The following LRRC7 variants were observed in gnomAD, a reference collection of about 807,000 sequenced individuals.
LRRC7 encodes leucine-rich repeat-containing protein 7.
In LRRC7, 23 loss-of-function variants were observed where a neutral mutation model predicts 175.7. That is an observed-to-expected ratio of 0.13 (90% CI 0.09 to 0.19). LRRC7 has a LOEUF of 0.19. Ranked by LOEUF, LRRC7 falls within the 10% of genes least tolerant of loss-of-function variation. LRRC7 has a pLI of 1.00. For missense variants in LRRC7, 1,354 were observed against 1,904.7 expected, an observed-to-expected ratio of 0.71 and a Z score of 5.38; for synonymous variants, 685 against 680.9, an observed-to-expected ratio of 1.01 and a Z score of -0.09.
chr1:69,697,554 T>G (rs1329059502), intron 2 of LRRC7, among the ~76,000 whole-genome samples: 1 of 152,250 alleles, frequency 6.6e-6, no homozygotes, highest in Non-Finnish European at 1.5e-5. Context: ...AAGATCAAAC[T>G]GCAGTAGCTC....
intron 3 of LRRC7, among the ~76,000 whole-genome samples, chr1:69,771,295 T>G (rs1248609475): frequency 6.6e-6 from 1 of 152,188 alleles, no homozygotes; most frequent in Non-Finnish European, 1.5e-5. Flanking sequence ...ATAGTTTGCA[T>G]GTGGAAAATA....
At chr1:69,595,865 T>C (rs912043173) in intron 1 of LRRC7, among the ~76,000 whole-genome samples, 5 of 152,070 alleles carry the variant, frequency 3.3e-5, no homozygotes, top group African/African-American at 1.2e-4. Flanking sequence ...CAGTCACTTT[T>C]CCTTAACTTC....
chr1:69,789,819 A>G (rs1674903428), intron 3 of LRRC7, among the ~76,000 whole-genome samples: 1 of 152,122 alleles, frequency 6.6e-6, no homozygotes, highest in Admixed American at 6.5e-5. Flanking sequence ...TCCGTCATCT[A>G]GAAAAGTAAA....
rs202036894 is a variant in LRRC7, at chr1:69,771,406, G to GA, written c.303+11016dup. Among the ~76,000 whole-genome samples the GA allele has an allele frequency of 1.2e-4, 18 of 152,204 alleles. 1 individual carries two copies. In the East Asian group the frequency reaches 3.5e-3, roughly 29 times the overall value. Reference sequence around the variant, plus strand: ...AACTCTTAATTATGTGAGTCAATGAGAAACTGACATCTGTAGTATCCCAGT... The same window carrying GA: ...AACTCTTAATTATGTGAGTCAATGAGAAAACTGACATCTGTAGTATCCCAGT... On this transcript the variant is annotated intron_variant, in intron 3 of 26. Transcript: ENST00000651989.
Position 70,136,498 on chromosome 1 carries a change from A to C in LRRC7, c.*14611A>C, listed in dbSNP as rs1406865182. ...ATTTAATCAACAAATGTTAATGAACAAGGGGTTATGTTCAAAATTCTATTA... is the reference window on the plus strand; with the variant it reads ...ATTTAATCAACAAATGTTAATGAACCAGGGGTTATGTTCAAAATTCTATTA... On this transcript the variant is annotated 3_prime_UTR_variant, in exon 27 of 27. Transcript: ENST00000651989. Among the ~76,000 whole-genome samples, 5 of 152,128 alleles carry C rather than the reference A, an allele frequency of 3.3e-5. No homozygotes were observed. The highest frequency in any genetic ancestry group is 7.3e-5 in the Non-Finnish European group (5 of 68,040).
chr1:69,837,869 T>A (rs555497923), intron 6 of LRRC7, among the ~76,000 whole-genome samples: 27 of 151,332 alleles, frequency 1.8e-4, no homozygotes, highest in South Asian at 1.2e-3. Flanking sequence ...TAAAAAAAAA[T>A]TTGGACATAG....
chr1:69,720,012 A>G (rs1445849084), intron 2 of LRRC7, among the ~76,000 whole-genome samples: 1 of 151,396 alleles, frequency 6.6e-6, no homozygotes, highest in East Asian at 1.9e-4. Context: ...TATATTTACA[A>G]TCTCTTGTAA....
chr1:69,937,542 G>A (rs1474656076), intron 8 of LRRC7, among the ~76,000 whole-genome samples: 2 of 151,732 alleles, frequency 1.3e-5, no homozygotes, highest in Non-Finnish European at 2.9e-5. Context: ...AAACTATTTG[G>A]TTCATTCCTG....
At chr1:69,883,153 G>C (rs1479092473) in intron 7 of LRRC7, among the ~76,000 whole-genome samples, 5 of 151,832 alleles carry the variant, frequency 3.3e-5, no homozygotes, top group Admixed American at 2.0e-4. Context: ...TGGGTCAAAT[G>C]GTATTTCTAA....
At chr1:70,109,676 GT>G (rs1394163528) in intron 26 of LRRC7, among the ~76,000 whole-genome samples, 43 of 152,130 alleles carry the variant, frequency 2.8e-4, no homozygotes, top group Admixed American at 3.3e-4. Flanking sequence ...ATGAACTGCT[GT>G]TTATATTATA....
At chr1:69,639,852 C>T (rs1653938806) in intron 1 of LRRC7, among the ~76,000 whole-genome samples, 1 of 151,312 alleles carries the variant, frequency 6.6e-6, no homozygotes, top group Non-Finnish European at 1.5e-5. Flanking sequence ...ATCATAGTTA[C>T]CAGCTAAAAA....
intron 1 of LRRC7, among the ~76,000 whole-genome samples, chr1:69,677,254 C>CAT (rs923063401): frequency 5.6e-5 from 6 of 106,268 alleles, no homozygotes; most frequent in African/African-American, 1.4e-4. Flanking sequence ...ATATATATAT[C>CAT]ATATATATAT....
chr1:69,576,630 C>T (rs1557658259), intron 1 of LRRC7, among the ~76,000 whole-genome samples: 1 of 152,158 alleles, frequency 6.6e-6, no homozygotes, highest in African/African-American at 2.4e-5. Context: ...GACATAACTC[C>T]TTATTAAGGA....
At chr1:69,683,478 G>A (rs1392500887) in intron 2 of LRRC7, among the ~76,000 whole-genome samples, 1 of 152,046 alleles carries the variant, frequency 6.6e-6, no homozygotes, top group East Asian at 1.9e-4. Flanking sequence ...CACCCATTCA[G>A]CCTCATCTCA....
intron 7 of LRRC7, chr1:69,919,681 C>A (rs1303207085): frequency 3.1e-6 from 3 of 962,318 alleles, no homozygotes; most frequent in African/African-American, 1.6e-5. Flanking sequence ...CACAATTCAG[C>A]GACTGCAGCT....
At chr1:69,776,775 A>T (rs1672858822) in intron 3 of LRRC7, among the ~76,000 whole-genome samples, 1 of 151,530 alleles carries the variant, frequency 6.6e-6, no homozygotes, top group South Asian at 2.1e-4. Context: ...CTTTCCTGGT[A>T]ACAATGCAAC....
At chr1:69,691,292 A>G (rs139348318) in intron 2 of LRRC7, among the ~76,000 whole-genome samples, 42 of 152,208 alleles carry the variant, frequency 2.8e-4, no homozygotes, top group African/African-American at 9.6e-4. Context: ...CTGTTCCTGA[A>G]ATATTACAAA....
chr1:69,923,184 A>G lies in LRRC7; in HGVS notation c.648-8323A>G, dbSNP rs555469414. Among the ~76,000 whole-genome samples the G allele has an allele frequency of 3.0e-3, 463 of 152,246 alleles. 4 individuals carry two copies. The highest frequency in any genetic ancestry group is 0.011 in the African/African-American group (443 of 41,528). On this transcript the variant is annotated intron_variant, in intron 7 of 26. Transcript: ENST00000651989. Reference sequence around the variant, plus strand: ...ATGGCTGCATAGTATTCCATGGTGTATATGTGCCACATTTTCTTAATCCGG... The same window carrying G: ...ATGGCTGCATAGTATTCCATGGTGTGTATGTGCCACATTTTCTTAATCCGG...
chr1:69,693,319 G>A (rs192875335), intron 2 of LRRC7, among the ~76,000 whole-genome samples: 1 of 152,060 alleles, frequency 6.6e-6, no homozygotes, highest in Non-Finnish European at 1.5e-5. Context: ...AAATTTGACC[G>A]AGTGTCTGTG....
Sources: allele counts gnomAD v4.1 joint callset (sites outside exome capture counted in the v4.1 genomes callset), GRCh38; gene constraint gnomAD v4.1.1; transcripts MANE v1.5; gene names NCBI Gene and HGNC (gene_info 2026-07-23, HGNC 2026-07-21).